Variants in RETREG1 observed in about 807,000 individuals in gnomAD.
The protein encoded by RETREG1 is family with sequence similarity 134 member B.
In RETREG1, 44 loss-of-function variants were observed where a neutral mutation model predicts 54.8. The observed-to-expected ratio is 0.80, with a 90% confidence interval of 0.63 to 1.03. The LOEUF (loss-of-function observed/expected upper bound fraction) is 1.03. Ranked by LOEUF, RETREG1 falls within the 50% of genes least tolerant of loss-of-function variation. RETREG1 has a pLI of 0.00. For synonymous variants in RETREG1, 217 were observed against 238.5 expected (o/e 0.91, Z 0.83); for missense variants, 554 against 605.1 (o/e 0.92, Z 0.89).
chr5:16,490,204 C>T (rs1739190563), intron 3 of RETREG1, among the ~76,000 whole-genome samples: 1 of 152,126 alleles, frequency 6.6e-6, no homozygotes, highest in South Asian at 2.1e-4. Flanking sequence ...AAAGCAAATC[C>T]ACCCATGGAC....
rs1468614294 is a variant in RETREG1 at position 16,475,189 on chromosome 5, T to C, written c.1046A>G (p.Asp349Gly). 1.7e-5 allele frequency: 28 copies of C among 1,613,472 alleles called. No homozygotes were observed. The highest frequency in any genetic ancestry group is 2.4e-5 in the Non-Finnish European group (28 of 1,179,824). The change falls in exon 9 of 9, where the codon GAT becomes GGT. Residue 349 changes from aspartate (D) to glycine (G), a missense_variant. Transcript: ENST00000306320. ...SEEVFSRDLS[D>G]FPSLENGMGT... is the part of the protein sequence containing the mutation. ...CATGCCATTTTCTAGAGATGGAAAA[T>C]CTGAAAGATCTCTAGAGAAAACTTC...
intron 3 of RETREG1, among the ~76,000 whole-genome samples, chr5:16,507,505 A>G (rs1042268627): frequency 6.6e-6 from 1 of 152,196 alleles, no homozygotes; most frequent in African/African-American, 2.4e-5. Flanking sequence ...ATTTCTGTAA[A>G]TGTCATCTTC....
At chr5:16,544,319 G>A (rs1222450697) in intron 3 of RETREG1, among the ~76,000 whole-genome samples, 2 of 152,136 alleles carry the variant, frequency 1.3e-5, no homozygotes, top group Non-Finnish European at 2.9e-5. Context: ...TGGAAAAAAT[G>A]TATTTTATCA....
At chr5:16,544,352 T>C (rs902429815) in intron 3 of RETREG1, among the ~76,000 whole-genome samples, 2 of 152,222 alleles carry the variant, frequency 1.3e-5, no homozygotes, top group African/African-American at 4.8e-5. Context: ...ACAAATATTT[T>C]CTCCCAATCT....
intron 3 of RETREG1, among the ~76,000 whole-genome samples, chr5:16,502,695 A>G (rs952851916): frequency 1.3e-5 from 2 of 152,242 alleles, no homozygotes; most frequent in Admixed American, 6.5e-5. Context: ...TTTTTCCCCC[A>G]TACTATTTTT....
chr5:16,547,925 A>G (rs1337807855), intron 3 of RETREG1, among the ~76,000 whole-genome samples: 2 of 152,216 alleles, frequency 1.3e-5, no homozygotes, highest in Non-Finnish European at 2.9e-5. Flanking sequence ...AACACCAACA[A>G]AACACTGAGG....
chr5:16,590,164 C>T lies in RETREG1; in HGVS notation c.321-18062G>A, dbSNP rs1579712731. On this transcript the variant is annotated intron_variant, in intron 1 of 8. Transcript: ENST00000306320. ...TGACAGCTTTCAATTCTTCAGGTTC[C>T]CCCAACCCCAGCTGCTGATCCTGGG... is the stretch of plus-strand genomic sequence containing the variant. 3.9e-5 allele frequency among the ~76,000 whole-genome samples: 6 copies of T among 152,276 alleles called. No homozygotes were observed. In the South Asian group the frequency reaches 6.2e-4, roughly 16 times the overall value.
At chr5:16,541,724 GA>G in intron 3 of RETREG1, among the ~76,000 whole-genome samples, 1 of 135,238 alleles carries the variant, frequency 7.4e-6, no homozygotes, top group Non-Finnish European at 1.6e-5. Context: ...AAAGAGAAGA[GA>G]AGAGAGGGAG....
At position 16,478,983 on chromosome 5, in the gene RETREG1, C is replaced by A; in HGVS notation, c.675G>T (p.Leu225=). 1 of 1,611,614 alleles carries A rather than the reference C, an allele frequency of 6.2e-7. No homozygotes were observed. Among genetic ancestry groups the A allele is most frequent in the Non-Finnish European group, 8.5e-7 (1 of 1,178,632 alleles). Residue 225 remains leucine (L), a synonymous_variant, in exon 6 of 9, where the codon CTG becomes CTT. Coordinates refer to ENST00000306320, the MANE Select transcript of RETREG1 (RefSeq NM_001034850.3). ...PGVILSYLLL[L]CAFLCPLFKC... is the part of the protein sequence containing the mutation. ...TAAACAATGGACACAAAAATGCACA[C>A]AGTACTGAAAGAAGAAAGAGAGCAG...
chr5:16,534,697 A>T (rs1020952), intron 3 of RETREG1, among the ~76,000 whole-genome samples: 14 of 152,160 alleles, frequency 9.2e-5, no homozygotes, highest in Admixed American at 1.3e-4. Flanking sequence ...CCACTTTCCA[A>T]GGGAGACTCA....
intron 3 of RETREG1, among the ~76,000 whole-genome samples, chr5:16,534,443 G>T (rs76011103): frequency 0.012 from 1,857 of 152,312 alleles, 36 homozygotes; most frequent in African/African-American, 0.041. Flanking sequence ...TGCTCCCAAG[G>T]TTATCATCCT....
At chr5:16,612,733 A>AT (rs956615768) in intron 1 of RETREG1, among the ~76,000 whole-genome samples, 2 of 152,034 alleles carry the variant, frequency 1.3e-5, no homozygotes, top group South Asian at 2.1e-4. Context: ...CATGAATATC[A>AT]TTTTTTAGCA....
At chr5:16,575,876 G>T (rs1272892934) in intron 1 of RETREG1, among the ~76,000 whole-genome samples, 1 of 152,138 alleles carries the variant, frequency 6.6e-6, no homozygotes, top group African/African-American at 2.4e-5. Context: ...GAGCACTTTT[G>T]GTACTTTAAT....
chr5:16,522,487 T>C (rs1380596009), intron 3 of RETREG1, among the ~76,000 whole-genome samples: 1 of 152,072 alleles, frequency 6.6e-6, no homozygotes, highest in African/African-American at 2.4e-5. Flanking sequence ...CAAAACACCT[T>C]CAATGACTAG....
At chr5:16,530,350 T>A (rs1212054449) in intron 3 of RETREG1, among the ~76,000 whole-genome samples, 1 of 152,208 alleles carries the variant, frequency 6.6e-6, no homozygotes, top group African/African-American at 2.4e-5. Context: ...CTCTACCACC[T>A]ACTGGCTGTT....
intron 3 of RETREG1, among the ~76,000 whole-genome samples, chr5:16,549,162 T>C (rs1741465683): frequency 2.0e-5 from 3 of 152,240 alleles, no homozygotes; most frequent in African/African-American, 7.2e-5. Context: ...ACCTTTCTGA[T>C]ACTGATAAAA....
chr5:16,559,516 T>G (rs1259573283), intron 3 of RETREG1, among the ~76,000 whole-genome samples: 12 of 152,118 alleles, frequency 7.9e-5, no homozygotes, highest in Non-Finnish European at 1.5e-5. Flanking sequence ...ATCCGATAGC[T>G]CTCAGCCATA....
chr5:16,588,314 T>A (rs1222082586), intron 1 of RETREG1, among the ~76,000 whole-genome samples: 1 of 152,186 alleles, frequency 6.6e-6, no homozygotes, highest in Non-Finnish European at 1.5e-5. Flanking sequence ...TGCATACATA[T>A]CCCTGGTGTC....
chr5:16,485,774 A>G (rs1315858826), intron 3 of RETREG1, among the ~76,000 whole-genome samples: 1 of 152,180 alleles, frequency 6.6e-6, no homozygotes, highest in East Asian at 1.9e-4. Context: ...TCCACAGGGG[A>G]CTTCAAGTGG....
Sources: allele counts gnomAD v4.1 joint callset (sites outside exome capture counted in the v4.1 genomes callset), GRCh38; gene constraint gnomAD v4.1.1; transcripts MANE v1.5; gene names NCBI Gene and HGNC (gene_info 2026-07-23, HGNC 2026-07-21).